TTC21B: variants seen among roughly 807,000 people sequenced by gnomAD.
TTC21B encodes tetratricopeptide repeat domain 21B.
TTC21B carries 127 observed loss-of-function variants against 175.1 expected under a neutral mutation model. The ratio of observed to expected loss-of-function variants is 0.73; its 90% confidence interval spans 0.63 to 0.84. The LOEUF (loss-of-function observed/expected upper bound fraction) is 0.84. TTC21B is among the 40% of genes least tolerant of loss of function. The probability of loss-of-function intolerance (pLI) is 0.00; values close to 1 mark genes in which losing one functional copy is unlikely to be tolerated. For missense variants in TTC21B, 1,561 were observed against 1,558.3 expected (o/e 1.00, Z -0.03); for synonymous variants, 524 against 524.5 (o/e 1.00, Z 0.01).
At position 165,930,370 on chromosome 2, in the gene TTC21B, AAG is replaced by A; in HGVS notation, c.895-8_895-7del. 6.2e-7 allele frequency: 1 copy of A among 1,600,078 alleles called. No individual in the cohort carries two copies. Among genetic ancestry groups the A allele is most frequent in the Non-Finnish European group, 8.5e-7 (1 of 1,171,090 alleles). Reference sequence around the variant, plus strand: ...ATAAGTTGACTACGTCCACACTAAAAAGAAAAAAAAATGATGTAAGATTTCAA... The same window carrying A: ...ATAAGTTGACTACGTCCACACTAAAAAAAAAAAAATGATGTAAGATTTCAA... On this transcript the variant is annotated splice_region_variant and splice_polypyrimidine_tract_variant and intron_variant, in intron 8 of 28. Transcript: ENST00000243344.
intron 14 of TTC21B, among the ~76,000 whole-genome samples, chr2:165,916,102 G>A (rs959214473): frequency 6.6e-6 from 1 of 152,164 alleles, no homozygotes; most frequent in East Asian, 1.9e-4. Flanking sequence ...GCATAACATA[G>A]GGAGACCCTC....
At chr2:165,952,826 C>T (rs1687800233) in intron 1 of TTC21B, among the ~76,000 whole-genome samples, 1 of 152,210 alleles carries the variant, frequency 6.6e-6, no homozygotes, top group South Asian at 2.1e-4. Flanking sequence ...TGTCTGACTC[C>T]TCCTACTCAA....
intron 18 of TTC21B, among the ~76,000 whole-genome samples, chr2:165,909,052 C>T (rs2105315519): frequency 6.6e-6 from 1 of 152,122 alleles, no homozygotes; most frequent in East Asian, 1.9e-4. Flanking sequence ...TTTAAAGCTA[C>T]ACTAAACATG....
At chr2:165,916,531 AG>A (rs1195834340) in intron 14 of TTC21B, among the ~76,000 whole-genome samples, 2 of 152,148 alleles carry the variant, frequency 1.3e-5, no homozygotes, top group Admixed American at 6.5e-5. Context: ...GTATTCATCA[AG>A]TATTTTGTCT....
In TTC21B at chr2:165,880,664, G is replaced by A. The variant is rs2105280882; in HGVS notation, c.3805+15C>T. 1 of 1,613,150 alleles carries A rather than the reference G, an allele frequency of 6.2e-7. No homozygotes were observed. The highest frequency in any genetic ancestry group is 8.5e-7 in the Non-Finnish European group (1 of 1,179,572). ...TAATTTTTCTGTGAAAAATCTAGGTGATTGCCAAACTCACCTACTGCCGGA... is the reference window on the plus strand; with the variant it reads ...TAATTTTTCTGTGAAAAATCTAGGTAATTGCCAAACTCACCTACTGCCGGA... On this transcript the variant is annotated intron_variant, in intron 27 of 28. Coordinates refer to ENST00000243344, the MANE Select transcript of TTC21B (RefSeq NM_024753.5).
At chr2:165,943,368 C>G (rs1326076368) in intron 4 of TTC21B, 27 bp from the exon 5 acceptor site, 5 of 1,558,408 alleles carry the variant, frequency 3.2e-6, no homozygotes, top group African/African-American at 2.7e-5. Flanking sequence ...TCTATTTTTA[C>G]TTTTTTAGAA....
chr2:165,929,525 C>A (rs1384112048), intron 10 of TTC21B, 125 bp downstream of exon 10: 1 of 875,284 alleles, frequency 1.1e-6, no homozygotes, highest in Admixed American at 2.1e-5. Flanking sequence ...TAAATAAATG[C>A]AATTACATAT....
Position 165,915,258 on chromosome 2 carries a change from A to AT in TTC21B, c.2080dup (p.Met694AsnfsTer12), listed in dbSNP as rs1379915467. On this transcript the variant is annotated frameshift_variant, in exon 15 of 29. Transcript: ENST00000243344. LOFTEE classifies it high-confidence loss of function. ...TCTGTGCTTCAGATAAATATCTGCC[A>AT]TTTTTTCTCTGGCCTCTATAAAATA... The AT allele has an allele frequency of 1.2e-6, 2 of 1,614,068 alleles. No homozygotes were observed. The highest frequency in any genetic ancestry group is 1.7e-5 in the Admixed American group (1 of 60,012).
intron 27 of TTC21B, among the ~76,000 whole-genome samples, chr2:165,878,035 T>G (rs2105277812): frequency 6.6e-6 from 1 of 152,350 alleles, no homozygotes; most frequent in African/African-American, 2.4e-5. Flanking sequence ...GCTTGAGCTG[T>G]CATTTTCAGG....
intron 19 of TTC21B, among the ~76,000 whole-genome samples, chr2:165,903,328 A>C (rs968234299): frequency 1.3e-5 from 2 of 152,210 alleles, no homozygotes; most frequent in Non-Finnish European, 2.9e-5. Flanking sequence ...ATGTGAAGGA[A>C]AGAGAATGAG....
rs1685151720 is a variant in TTC21B at position 165,890,522 on chromosome 2, T to C, written c.3220A>G (p.Thr1074Ala). 6.2e-7 allele frequency: 1 copy of C among 1,613,584 alleles called. No homozygotes were observed. ...TTTTCAAATACTTCACCTCCAACAG[T>C]TTCATTATCTGGATTCAAACAGATC... The part of the protein sequence containing the change: ...IEICLNPDNE[T>A]VGGEVFENLD... Residue 1074 changes from threonine (T) to alanine (A), a missense_variant, in exon 24 of 29, where the codon ACT becomes GCT. Physicochemically the swap from Thr to Ala is moderately conservative, Grantham distance 58. Transcript: ENST00000243344.
chr2:165,908,006 A>G (rs948267916), intron 18 of TTC21B, among the ~76,000 whole-genome samples: 3 of 152,194 alleles, frequency 2.0e-5, no homozygotes, highest in Non-Finnish European at 4.4e-5. Context: ...GAACGGGTTA[A>G]CAACTAGAGG....
At chr2:165,892,421 C>A (rs1033658444) in intron 22 of TTC21B, among the ~76,000 whole-genome samples, 1 of 152,146 alleles carries the variant, frequency 6.6e-6, no homozygotes, top group Non-Finnish European at 1.5e-5. Flanking sequence ...ACATTCATAG[C>A]AGCAACCTTC....
At chr2:165,904,653 G>A (rs1574085741) in intron 19 of TTC21B, among the ~76,000 whole-genome samples, 1 of 151,850 alleles carries the variant, frequency 6.6e-6, no homozygotes, top group Non-Finnish European at 1.5e-5. Flanking sequence ...GTAACCAGCT[G>A]TATAATCTTG....
chr2:165,939,577 A>G (rs1452627366), intron 6 of TTC21B, among the ~76,000 whole-genome samples: 1 of 152,154 alleles, frequency 6.6e-6, no homozygotes, highest in Non-Finnish European at 1.5e-5. Flanking sequence ...TCTTGATCTC[A>G]TGGCTTTAAA....
rs781691333 is a variant in TTC21B, at chr2:165,943,382, AG to A, written c.430-42del. 7 of 1,499,796 alleles carry A rather than the reference AG, an allele frequency of 4.7e-6. No individual in the cohort carries two copies. In the African/African-American group the frequency reaches 9.8e-5, roughly 21 times the overall value. 92.9% of individuals were successfully genotyped at this position (1,499,796 alleles called of 1,614,324 possible). On this transcript the variant is annotated intron_variant, in intron 4 of 28. Transcript: ENST00000243344. ...TTCTATTTTTACTTTTTTAGAAATG[AG>A]AGAAATAAATGTTAATGAAAGAGCC...
At chr2:165,908,383 C>T (rs1031286155) in intron 18 of TTC21B, among the ~76,000 whole-genome samples, 2 of 152,032 alleles carry the variant, frequency 1.3e-5, no homozygotes, top group Non-Finnish European at 2.9e-5. Context: ...TAATAAGTTA[C>T]TAAATAAGTT....
intron 19 of TTC21B, among the ~76,000 whole-genome samples, chr2:165,905,499 T>C (rs1685696927): frequency 2.0e-5 from 3 of 152,116 alleles, no homozygotes; most frequent in South Asian, 2.1e-4. Flanking sequence ...GAGTTAGCTA[T>C]AATAACACAA....
intron 13 of TTC21B, among the ~76,000 whole-genome samples, chr2:165,918,122 G>C (rs927657432): frequency 1.5e-4 from 23 of 152,318 alleles, no homozygotes; most frequent in African/African-American, 5.5e-4. Flanking sequence ...TCCTCCTGAT[G>C]CTGAGGTTCT....
Sources: gnomAD v4.1 joint callset for allele counts (sites outside exome capture counted in the v4.1 genomes callset) on GRCh38, gnomAD v4.1.1 for gene constraint, MANE v1.5 for transcripts, NCBI Gene and HGNC (gene_info 2026-07-23, HGNC 2026-07-21) for gene names.